The following FLRT1 variants were observed in gnomAD, a reference collection of about 807,000 sequenced individuals.
The protein encoded by FLRT1 is fibronectin leucine rich transmembrane protein 1.
FLRT1 carries 14 observed loss-of-function variants against 30.9 expected under a neutral mutation model. The observed-to-expected ratio is 0.45, with a 90% CI of 0.30 to 0.71. The LOEUF (loss-of-function observed/expected upper bound fraction) is 0.71, where lower values mean the gene tolerates loss of function less well. FLRT1 is among the 30% of genes least tolerant of loss of function. The probability of loss-of-function intolerance (pLI) is 0.08; values close to 1 mark genes in which losing one functional copy is unlikely to be tolerated. For missense variants in FLRT1, 737 were observed against 949.2 expected, an observed-to-expected ratio of 0.78 and a Z score of 2.94; for synonymous variants, 368 against 430.4, an observed-to-expected ratio of 0.85 and a Z score of 1.80.
intron 2 of FLRT1, among the ~76,000 whole-genome samples, chr11:64,106,565 G>A (rs1423120441): frequency 1.3e-5 from 2 of 152,224 alleles, no homozygotes; most frequent in Non-Finnish European, 2.9e-5. Context: ...CTCCTGCCTT[G>A]TCAGGGTTGT....
At chr11:64,115,794 C>T (rs1944966551) in intron 2 of FLRT1, among the ~76,000 whole-genome samples, 3 of 152,214 alleles carry the variant, frequency 2.0e-5, no homozygotes, top group Admixed American at 6.5e-5. Context: ...CCATAAAACA[C>T]GCCCTAAATC....
chr11:64,104,418 T>C (rs547997571), intron 2 of FLRT1, among the ~76,000 whole-genome samples: 1 of 151,838 alleles, frequency 6.6e-6, no homozygotes, highest in Non-Finnish European at 1.5e-5. Flanking sequence ...GTGGTCCCCG[T>C]GCTGCTGGGC....
At chr11:64,099,449 G>A (rs972787508) in intron 1 of FLRT1, among the ~76,000 whole-genome samples, 17 of 152,218 alleles carry the variant, frequency 1.1e-4, no homozygotes, top group African/African-American at 4.1e-4. Context: ...GAAAGATGGA[G>A]AAATGGATAG....
In FLRT1 at chr11:64,090,914, C is replaced by T. The variant is rs913748813; in HGVS notation, c.-1037-12280C>T. Among the ~76,000 whole-genome samples, 2 of 151,790 alleles carry T rather than the reference C, an allele frequency of 1.3e-5. No individual in the cohort carries two copies. Among genetic ancestry groups the T allele is most frequent in the Non-Finnish European group, 2.9e-5 (2 of 67,928 alleles). On this transcript the variant is annotated intron_variant, in intron 1 of 2. Coordinates refer to ENST00000682287, the MANE Select transcript of FLRT1 (RefSeq NM_013280.5). The surrounding 1 kb of genome is among the most constrained non-coding windows in gnomAD (Gnocchi z 4.7). ...CAGGGGGAGGGACAGCCAGGGTGGT[C>T]ACAGTTTGGTCTGCCCTGTAGGGGG...
chr11:64,091,556 G>A (rs1213352963), intron 1 of FLRT1, among the ~76,000 whole-genome samples: 1 of 152,114 alleles, frequency 6.6e-6, no homozygotes, highest in African/African-American at 2.4e-5. Flanking sequence ...GGAGAGCTGG[G>A]CCAGTCCTTC....
At chr11:64,094,616 G>C (rs948331820) in intron 1 of FLRT1, among the ~76,000 whole-genome samples, 3 of 152,188 alleles carry the variant, frequency 2.0e-5, no homozygotes, top group African/African-American at 7.2e-5. Context: ...GAGCCATTGG[G>C]TCGCGTACGT....
chr11:64,114,011 C>CATGG (rs140487195), intron 2 of FLRT1, among the ~76,000 whole-genome samples: 6 of 95,618 alleles, frequency 6.3e-5, no homozygotes, highest in African/African-American at 8.7e-5. Context: ...CAGGTGGATG[C>CATGG]ATGGATGGAT....
chr11:64,053,809 TG>T (rs1191056281), intron 1 of FLRT1, among the ~76,000 whole-genome samples: 2 of 152,146 alleles, frequency 1.3e-5, no homozygotes, highest in African/African-American at 4.8e-5. Context: ...CCGAGCCCCT[TG>T]CCTGCCCGCA....
rs116596878 is a variant in FLRT1, at chr11:64,052,091, C to T, written c.-1038+15932C>T. ...GCAGAGTCCCTGCATTGGAGCAAAT[C>T]CCTTGGAGGAAGCCCTGGCCCTCCT... On this transcript the variant is annotated intron_variant, in intron 1 of 2. Transcript: ENST00000682287. Among the ~76,000 whole-genome samples, 351 of 152,086 alleles carry T rather than the reference C, an allele frequency of 2.3e-3. 1 individual carries two copies. Among genetic ancestry groups the T allele is most frequent in the African/African-American group, 7.8e-3 (323 of 41,468 alleles).
At chr11:64,115,457 C>T (rs775172954) in intron 2 of FLRT1, among the ~76,000 whole-genome samples, 9 of 151,912 alleles carry the variant, frequency 5.9e-5, no homozygotes, top group Non-Finnish European at 7.4e-5. Flanking sequence ...CCACACAACT[C>T]GGAACCCAGG....
At chr11:64,050,201 C>G (rs11231682) in intron 1 of FLRT1, among the ~76,000 whole-genome samples, 4,158 of 152,222 alleles carry the variant, frequency 0.027, 91 homozygotes, top group Middle Eastern at 0.051. Context: ...CTCCCTAGAC[C>G]CCAGCCTGGG....
chr11:64,044,531 G>A (rs1212647682), intron 1 of FLRT1, among the ~76,000 whole-genome samples: 2 of 152,138 alleles, frequency 1.3e-5, no homozygotes, highest in Non-Finnish European at 2.9e-5. Context: ...GAGACACTGC[G>A]CCTGCTCTCC....
In FLRT1 at chr11:64,097,279, G is replaced by A. The variant is rs576063835; in HGVS notation, c.-1037-5915G>A. Among the ~76,000 whole-genome samples the A allele has an allele frequency of 3.3e-5, 5 of 152,352 alleles. No individual in the cohort carries two copies. In the South Asian group the frequency reaches 1.0e-3, roughly 32 times the overall value. On this transcript the variant is annotated intron_variant, in intron 1 of 2. Coordinates refer to ENST00000682287, the MANE Select transcript of FLRT1 (RefSeq NM_013280.5). ...GGAGGGGCAGGTGGCTACGGTCTGC[G>A]CCCAATTTGGGCTTCTCTGCCAACT...
At chr11:64,101,850 C>T (rs998076462) in intron 1 of FLRT1, among the ~76,000 whole-genome samples, 2 of 152,106 alleles carry the variant, frequency 1.3e-5, no homozygotes, top group African/African-American at 4.8e-5. Flanking sequence ...AAACCTCCTT[C>T]TTCCTAGGGC....
chr11:64,046,574 G>C (rs144296638), intron 1 of FLRT1, among the ~76,000 whole-genome samples: 60 of 152,160 alleles, frequency 3.9e-4, no homozygotes, highest in African/African-American at 1.3e-3. Context: ...TTTTTGAGAC[G>C]GAGTTTTGTT....
chr11:64,052,112 C>T lies in FLRT1; in HGVS notation c.-1038+15953C>T, dbSNP rs1462294955. 2.0e-5 allele frequency among the ~76,000 whole-genome samples: 3 copies of T among 151,978 alleles called. No homozygotes were observed. In the East Asian group the frequency reaches 5.8e-4, roughly 30 times the overall value. On this transcript the variant is annotated intron_variant, in intron 1 of 2. Transcript: ENST00000682287. ...AAATCCCTTGGAGGAAGCCCTGGCC[C>T]TCCTCCCTGTAGTGAGAAAGAGTGG...
intron 1 of FLRT1, among the ~76,000 whole-genome samples, chr11:64,077,668 C>T (rs1482456627): frequency 6.6e-6 from 1 of 152,194 alleles, no homozygotes; most frequent in African/African-American, 2.4e-5. Flanking sequence ...GGCACACCCC[C>T]ACCTGCCGTG....
intron 1 of FLRT1, among the ~76,000 whole-genome samples, chr11:64,077,590 C>G (rs1300762349): frequency 6.6e-6 from 1 of 152,152 alleles, no homozygotes; most frequent in Non-Finnish European, 1.5e-5. Context: ...TGCACACATT[C>G]CACCTAGACA....
intron 2 of FLRT1, among the ~76,000 whole-genome samples, chr11:64,113,873 T>TGTATGGAA (rs1944911964): frequency 7.4e-6 from 1 of 135,220 alleles, no homozygotes; most frequent in Non-Finnish European, 1.6e-5. Context: ...GATTGATACA[T>TGTATGGAA]GGATGGATGG....
Sources: gnomAD v4.1 joint callset for allele counts (sites outside exome capture counted in the v4.1 genomes callset) on GRCh38, gnomAD v4.1.1 for gene constraint, Gnocchi (gnomAD v3.1) non-coding constraint, MANE v1.5 for transcripts, NCBI Gene and HGNC (gene_info 2026-07-23, HGNC 2026-07-21) for gene names.